Variants in PLCB1 observed in about 807,000 individuals in gnomAD.
The protein encoded by PLCB1 is 1-phosphatidylinositol 4,5-bisphosphate phosphodiesterase beta-1.
A neutral mutation model predicts 161.8 loss-of-function variants in PLCB1; 46 were observed. That is an observed-to-expected ratio of 0.28 (90% CI 0.22 to 0.36). The LOEUF (loss-of-function observed/expected upper bound fraction) is 0.36. Among genes scored for constraint, PLCB1 ranks in the 10% least tolerant of loss-of-function variants. PLCB1 has a pLI of 1.00. For synonymous variants in PLCB1, 517 were observed against 503.7 expected (o/e 1.03, Z -0.35); for missense variants, 1,016 against 1,472.5 (o/e 0.69, Z 5.07).
intron 9 of PLCB1, among the ~76,000 whole-genome samples, chr20:8,665,245 C>T (rs947955795): frequency 6.6e-6 from 1 of 152,164 alleles, no homozygotes; most frequent in African/African-American, 2.4e-5. Flanking sequence ...CCCTAGTTTT[C>T]TCAACTTTGA....
At chr20:8,279,689 C>G (rs1982780381) in intron 2 of PLCB1, among the ~76,000 whole-genome samples, 1 of 152,124 alleles carries the variant, frequency 6.6e-6, no homozygotes, top group African/African-American at 2.4e-5. Context: ...AATGAATACA[C>G]TATAAACGCA....
chr20:8,639,924 C>G (rs1304362000), intron 4 of PLCB1, among the ~76,000 whole-genome samples: 1 of 150,350 alleles, frequency 6.7e-6, no homozygotes, highest in Non-Finnish European at 1.5e-5. Context: ...TTAAGAGTCA[C>G]TATTCCAAGA....
chr20:8,870,599 CTG>C (rs1253056543), intron 31 of PLCB1, among the ~76,000 whole-genome samples: 1 of 152,200 alleles, frequency 6.6e-6, no homozygotes, highest in East Asian at 1.9e-4. Context: ...ATGTTAGGAA[CTG>C]TGCTTGGTAA....
chr20:8,410,193 T>C (rs1298521260), intron 3 of PLCB1, among the ~76,000 whole-genome samples: 2 of 152,198 alleles, frequency 1.3e-5, no homozygotes, highest in African/African-American at 4.8e-5. Context: ...TTATCCATTA[T>C]ACAATTGACA....
chr20:8,746,963 T>A (rs553722765), intron 23 of PLCB1, among the ~76,000 whole-genome samples: 1 of 152,182 alleles, frequency 6.6e-6, no homozygotes, highest in African/African-American at 2.4e-5. Context: ...GATGGGATAC[T>A]GCTGGTCCTT....
At chr20:8,526,197 A>T (rs572266661) in intron 3 of PLCB1, among the ~76,000 whole-genome samples, 2 of 152,258 alleles carry the variant, frequency 1.3e-5, no homozygotes, top group East Asian at 3.9e-4. Context: ...TTAAGTTGTA[A>T]AAAGGAATTT....
chr20:8,155,834 T>A (rs2051553679), intron 2 of PLCB1, among the ~76,000 whole-genome samples: 1 of 152,172 alleles, frequency 6.6e-6, no homozygotes, highest in Non-Finnish European at 1.5e-5. Context: ...GGTAGCTTTC[T>A]CTAAAAGTTG....
chr20:8,635,352 A>C (rs1473294825), intron 4 of PLCB1, among the ~76,000 whole-genome samples: 1 of 152,128 alleles, frequency 6.6e-6, no homozygotes, highest in African/African-American at 2.4e-5. Flanking sequence ...AAAATAAGTG[A>C]TAGGTCACGT....
At position 8,883,150 on chromosome 20, in the gene PLCB1, G is replaced by T. The variant is rs1988055068; in HGVS notation, c.*1301G>T. On this transcript the variant is annotated 3_prime_UTR_variant, in exon 32 of 32. Transcript: ENST00000338037. ...ATCAAAAATTAGATGTTAAGTATCA[G>T]ATTTTAAGCTTGTTTTAATGGTCAA... 1.3e-5 allele frequency: 2 copies of T among 152,172 alleles called. No homozygotes were observed. Among genetic ancestry groups the T allele is most frequent in the Admixed American group, 1.3e-4 (2 of 15,264 alleles). The allele number at this position is 152,172 out of a possible 1,614,324, so 9.4% of individuals were successfully genotyped here.
intron 1 of PLCB1, among the ~76,000 whole-genome samples, chr20:8,137,825 A>G (rs1389495767): frequency 2.0e-5 from 3 of 152,152 alleles, no homozygotes. Flanking sequence ...CTTGTTTTTA[A>G]TCTAATAAGC....
At chr20:8,775,356 A>G (rs1982893778) in intron 27 of PLCB1, among the ~76,000 whole-genome samples, 1 of 152,258 alleles carries the variant, frequency 6.6e-6, no homozygotes, top group African/African-American at 2.4e-5. Flanking sequence ...TGACAGATAG[A>G]TTAGATAAAT....
At chr20:8,334,550 T>C (rs1330807707) in intron 2 of PLCB1, among the ~76,000 whole-genome samples, 2 of 152,220 alleles carry the variant, frequency 1.3e-5, no homozygotes, top group African/African-American at 4.8e-5. Flanking sequence ...AATGTACTGA[T>C]CCATATTTTT....
In PLCB1 at chr20:8,685,085, A is replaced by T. The variant is rs777208922; in HGVS notation, c.1009+7A>T. Reference sequence around the variant, plus strand: ...CACAACACCTACCTCACAGGTATGAATTTTCTAGTTCTTTGTTACTTTAGC... The same window carrying T: ...CACAACACCTACCTCACAGGTATGATTTTTCTAGTTCTTTGTTACTTTAGC... On this transcript the variant is annotated splice_region_variant and intron_variant, in intron 10 of 31. Transcript: ENST00000338037. 13 of 1,612,594 alleles carry T rather than the reference A, an allele frequency of 8.1e-6. No homozygotes were observed. Among genetic ancestry groups the T allele is most frequent in the Admixed American group, 5.0e-5 (3 of 59,964 alleles).
chr20:8,259,771 G>A (rs2719787), intron 2 of PLCB1, among the ~76,000 whole-genome samples: 1 of 151,936 alleles, frequency 6.6e-6, no homozygotes, highest in African/African-American at 2.4e-5. Context: ...ATAATTTTCA[G>A]AATTAGTACA....
intron 3 of PLCB1, among the ~76,000 whole-genome samples, chr20:8,524,636 G>A (rs1413462049): frequency 2.0e-5 from 3 of 152,242 alleles, no homozygotes; most frequent in Admixed American, 2.0e-4. Context: ...GAGCAGATGA[G>A]GCAATTAAGA....
chr20:8,197,263 G>T (rs2052034852), intron 2 of PLCB1, among the ~76,000 whole-genome samples: 1 of 151,614 alleles, frequency 6.6e-6, no homozygotes, highest in Non-Finnish European at 1.5e-5. Flanking sequence ...CACAATGTTT[G>T]AACCAGTCCC....
intron 3 of PLCB1, among the ~76,000 whole-genome samples, chr20:8,440,883 T>C (rs575863524): frequency 1.3e-5 from 2 of 152,066 alleles, no homozygotes; most frequent in African/African-American, 2.4e-5. Context: ...GATCACTATA[T>C]GTTATATGGA....
Position 8,338,914 on chromosome 20 carries a change from T to C in PLCB1, c.178-32468T>C, listed in dbSNP as rs571158473. On this transcript the variant is annotated intron_variant, in intron 2 of 31. Transcript: ENST00000338037. ...TAGGTGGAATCACATGGTGTGTTTT[T>C]GTGTTTGGCTTCTTTCGTGCAATGT... is the stretch of plus-strand genomic sequence containing the variant. Among the ~76,000 whole-genome samples, 7 of 152,330 alleles carry C rather than the reference T, an allele frequency of 4.6e-5. No homozygotes were observed. In the South Asian group the frequency reaches 1.4e-3, roughly 32 times the overall value.
At chr20:8,567,256 T>C (rs1011552436) in intron 3 of PLCB1, among the ~76,000 whole-genome samples, 1 of 152,196 alleles carries the variant, frequency 6.6e-6, no homozygotes, top group Non-Finnish European at 1.5e-5. Flanking sequence ...GAGCAAGTAC[T>C]AGAGTTTTAA....
Sources: gnomAD v4.1 joint callset for allele counts (sites outside exome capture counted in the v4.1 genomes callset) on GRCh38, gnomAD v4.1.1 for gene constraint, MANE v1.5 for transcripts, NCBI Gene and HGNC (gene_info 2026-07-23, HGNC 2026-07-21) for gene names.